The following LRRC4C variants were observed in gnomAD, a reference collection of about 807,000 sequenced individuals.
The protein encoded by LRRC4C is leucine-rich repeat-containing protein 4C.
LRRC4C carries 5 observed loss-of-function variants against 33.6 expected under a neutral mutation model. The ratio of observed to expected loss-of-function variants is 0.15; its 90% CI spans 0.08 to 0.31. LRRC4C has a LOEUF of 0.31. LRRC4C is among the 10% of genes least tolerant of loss of function. LRRC4C has a pLI of 1.00. For synonymous variants in LRRC4C, 329 were observed against 302.0 expected (o/e 1.09, Z -0.93); for missense variants, 560 against 796.7 (o/e 0.70, Z 3.58).
chr11:40,912,475 C>T lies in LRRC4C; in HGVS notation c.-407+21160G>A, dbSNP rs928907099. Among the ~76,000 whole-genome samples the T allele has an allele frequency of 3.2e-3, 480 of 152,172 alleles. 1 individual carries two copies. The highest frequency in any genetic ancestry group is 4.4e-3 in the Non-Finnish European group (300 of 68,008). On this transcript the variant is annotated intron_variant, in intron 2 of 6. Transcript: ENST00000528697. ...TTCATAACTGAAGGAGAAATAAAAT[C>T]CTTTACAGACAAGCAAATGCTGAGA...
intron 5 of LRRC4C, among the ~76,000 whole-genome samples, chr11:40,196,386 T>C (rs576277467): frequency 6.6e-6 from 1 of 152,320 alleles, no homozygotes; most frequent in Non-Finnish European, 1.5e-5. Flanking sequence ...CATTCTGGAC[T>C]AGGGAAGGAA....
chr11:40,724,286 C>A (rs1209834500), intron 2 of LRRC4C, among the ~76,000 whole-genome samples: 1 of 152,126 alleles, frequency 6.6e-6, no homozygotes, highest in Non-Finnish European at 1.5e-5. Flanking sequence ...ATATTCCACC[C>A]AATAACCACA....
intron 2 of LRRC4C, among the ~76,000 whole-genome samples, chr11:40,792,000 A>C (rs1950641589): frequency 6.6e-6 from 1 of 152,142 alleles, no homozygotes; most frequent in South Asian, 2.1e-4. Context: ...CTAAAAAAAA[A>C]AAGTATATAT....
intron 3 of LRRC4C, among the ~76,000 whole-genome samples, chr11:40,544,655 C>T (rs1956847964): frequency 6.6e-6 from 1 of 151,982 alleles, no homozygotes; most frequent in African/African-American, 2.4e-5. Context: ...CAAAGAATCA[C>T]CAAATAACAC....
chr11:41,041,295 G>A (rs1857418144), intron 1 of LRRC4C, among the ~76,000 whole-genome samples: 1 of 152,138 alleles, frequency 6.6e-6, no homozygotes, highest in East Asian at 1.9e-4. Flanking sequence ...TTTAATGGTT[G>A]TAAAGATATC....
intron 6 of LRRC4C, among the ~76,000 whole-genome samples, chr11:40,122,198 A>G (rs2134672258): frequency 6.6e-6 from 1 of 152,274 alleles, no homozygotes; most frequent in Middle Eastern, 3.4e-3. Flanking sequence ...ATCCTAAACA[A>G]GTTTCTACAT....
intron 2 of LRRC4C, among the ~76,000 whole-genome samples, chr11:40,904,952 GC>G (rs1187617151): frequency 6.6e-6 from 1 of 152,104 alleles, no homozygotes; most frequent in Non-Finnish European, 1.5e-5. Flanking sequence ...AAAGCTGCAG[GC>G]CCCTCATGTC....
intron 3 of LRRC4C, among the ~76,000 whole-genome samples, chr11:40,429,494 T>C (rs986027015): frequency 6.6e-6 from 1 of 151,962 alleles, no homozygotes; most frequent in South Asian, 2.1e-4. Flanking sequence ...GACTAAGAAC[T>C]CCTAGACTAG....
intron 2 of LRRC4C, among the ~76,000 whole-genome samples, chr11:40,792,939 A>G (rs1950684928): frequency 6.6e-6 from 1 of 152,112 alleles, no homozygotes; most frequent in Admixed American, 6.5e-5. Flanking sequence ...TTGAACAATG[A>G]GAACACTTGA....
intron 3 of LRRC4C, among the ~76,000 whole-genome samples, chr11:40,503,775 C>T (rs1954897433): frequency 6.6e-6 from 1 of 152,080 alleles, no homozygotes; most frequent in Non-Finnish European, 1.5e-5. Flanking sequence ...TTTAAAAAGG[C>T]CTTATTTTAT....
At chr11:40,908,434 G>T (rs888041953) in intron 2 of LRRC4C, among the ~76,000 whole-genome samples, 1 of 152,038 alleles carries the variant, frequency 6.6e-6, no homozygotes, top group African/African-American at 2.4e-5. Context: ...GGACTGATAA[G>T]CTTTATTTGC....
rs150088711 is a variant in LRRC4C, at chr11:40,182,322, A to G, written c.-95-41469T>C. On this transcript the variant is annotated intron_variant, in intron 5 of 6. Coordinates refer to ENST00000528697, the MANE Select transcript of LRRC4C (RefSeq NM_001258419.2). ...CAACCATCCTGGCCTAAACTCCCAG[A>G]TATAAACCTCACATACCACCCTTGC... 2.0e-3 allele frequency among the ~76,000 whole-genome samples: 312 copies of G among 152,270 alleles called. 2 individuals carry two copies. The highest frequency in any genetic ancestry group is 2.2e-3 in the Non-Finnish European group (150 of 68,022).
At chr11:41,102,652 A>G (rs1941259874) in intron 1 of LRRC4C, among the ~76,000 whole-genome samples, 1 of 152,008 alleles carries the variant, frequency 6.6e-6, no homozygotes, top group Non-Finnish European at 1.5e-5. Context: ...AAGCTACTAT[A>G]TTTGGGTTAT....
At chr11:40,932,582 T>C (rs1390305390) in intron 2 of LRRC4C, among the ~76,000 whole-genome samples, 1 of 152,088 alleles carries the variant, frequency 6.6e-6, no homozygotes, top group Non-Finnish European at 1.5e-5. Context: ...TCAGTAAAAT[T>C]GGTAAAGGAA....
intron 2 of LRRC4C, among the ~76,000 whole-genome samples, chr11:40,834,717 A>G (rs1952582803): frequency 6.6e-6 from 1 of 152,092 alleles, no homozygotes; most frequent in Admixed American, 6.6e-5. Context: ...AGGTGGCTTA[A>G]TAATGGACAC....
At chr11:40,178,238 T>G (rs769650536) in intron 5 of LRRC4C, among the ~76,000 whole-genome samples, 2 of 152,190 alleles carry the variant, frequency 1.3e-5, no homozygotes, top group African/African-American at 2.4e-5. Flanking sequence ...TCCGTTCACT[T>G]GGTAAACATA....
At chr11:41,161,146 C>A (rs1167324451) in intron 1 of LRRC4C, among the ~76,000 whole-genome samples, 1 of 152,066 alleles carries the variant, frequency 6.6e-6, no homozygotes, top group Non-Finnish European at 1.5e-5. Flanking sequence ...ATAGTTTATT[C>A]CATGTAACGT....
intron 1 of LRRC4C, among the ~76,000 whole-genome samples, chr11:41,188,079 C>T (rs145631282): frequency 8.5e-5 from 13 of 152,302 alleles, no homozygotes; most frequent in African/African-American, 2.6e-4. Flanking sequence ...TCAGCAACAC[C>T]TATCCAGTTT....
At chr11:40,354,921 C>T (rs553647754) in intron 3 of LRRC4C, among the ~76,000 whole-genome samples, 3 of 152,198 alleles carry the variant, frequency 2.0e-5, no homozygotes, top group Admixed American at 6.5e-5. Flanking sequence ...TTATCCATAG[C>T]CACCATAGCT....
Sources: gnomAD v4.1 joint callset for allele counts (sites outside exome capture counted in the v4.1 genomes callset) on GRCh38, gnomAD v4.1.1 for gene constraint, MANE v1.5 for transcripts, NCBI Gene and HGNC (gene_info 2026-07-23, HGNC 2026-07-21) for gene names.